Variants in EPHA3 observed in about 807,000 individuals in gnomAD.
EPHA3 encodes the protein EPH receptor A3.
A neutral mutation model predicts 107.1 loss-of-function variants in EPHA3; 42 were observed. That is an observed-to-expected ratio of 0.39 (90% CI 0.31 to 0.51). The LOEUF is 0.51. Ranked by LOEUF, EPHA3 falls within the 20% of genes least tolerant of loss-of-function variation. The pLI is 0.78. For synonymous variants in EPHA3, 461 were observed against 424.8 expected, an observed-to-expected ratio of 1.09 and a Z score of -1.05; for missense variants, 1,183 against 1,211.2, an observed-to-expected ratio of 0.98 and a Z score of 0.35.
At chr3:89,227,142 A>G (rs1396671623) in intron 3 of EPHA3, among the ~76,000 whole-genome samples, 1 of 152,072 alleles carries the variant, frequency 6.6e-6, no homozygotes, top group Non-Finnish European at 1.5e-5. Context: ...CCTGAATGGC[A>G]TGTGTATTCA....
intron 2 of EPHA3, among the ~76,000 whole-genome samples, chr3:89,170,685 A>G (rs940439808): frequency 4.6e-5 from 7 of 152,202 alleles, no homozygotes; most frequent in Admixed American, 4.6e-4. Context: ...AACCCTAAGT[A>G]TCAGTTATAA....
intron 10 of EPHA3, among the ~76,000 whole-genome samples, chr3:89,415,151 C>A (rs1233277425): frequency 1.3e-5 from 2 of 151,244 alleles, no homozygotes; most frequent in Non-Finnish European, 3.0e-5. Flanking sequence ...AATTATTATT[C>A]CTAAAAGCTA....
intron 2 of EPHA3, among the ~76,000 whole-genome samples, chr3:89,166,294 C>G (rs563167368): frequency 6.6e-6 from 1 of 152,116 alleles, no homozygotes; most frequent in Non-Finnish European, 1.5e-5. Context: ...AAATTGTACA[C>G]TAAATTATGA....
At chr3:89,161,963 G>T (rs904917946) in intron 2 of EPHA3, among the ~76,000 whole-genome samples, 1 of 151,214 alleles carries the variant, frequency 6.6e-6, no homozygotes, top group Non-Finnish European at 1.5e-5. Flanking sequence ...GGTGATGGGA[G>T]TGAGACTCTG....
At chr3:89,405,642 C>A (rs188282651) in intron 7 of EPHA3, among the ~76,000 whole-genome samples, 4 of 152,250 alleles carry the variant, frequency 2.6e-5, no homozygotes, top group Admixed American at 2.6e-4. Context: ...TAGAGAAAAT[C>A]TTCCAAACTT....
chr3:89,360,982 C>G (rs1232012256), intron 5 of EPHA3, among the ~76,000 whole-genome samples: 1 of 151,024 alleles, frequency 6.6e-6, no homozygotes, highest in Non-Finnish European at 1.5e-5. Context: ...GCAGGAATTG[C>G]TAGTGAACAT....
chr3:89,382,840 G>A (rs1576348431), intron 5 of EPHA3, among the ~76,000 whole-genome samples: 2 of 152,128 alleles, frequency 1.3e-5, no homozygotes, highest in African/African-American at 4.8e-5. Flanking sequence ...GCACATGAAG[G>A]CATGTTCCTG....
chr3:89,208,702 T>C (rs139875911), intron 2 of EPHA3, among the ~76,000 whole-genome samples: 1,996 of 151,396 alleles, frequency 0.013, 14 homozygotes, highest in Non-Finnish European at 0.018. Flanking sequence ...AATAAAAGAG[T>C]TTACATTGAC....
At chr3:89,281,054 C>T (rs1705936015) in intron 3 of EPHA3, among the ~76,000 whole-genome samples, 1 of 139,978 alleles carries the variant, frequency 7.1e-6, no homozygotes, top group South Asian at 2.2e-4. Context: ...GACAGAGTCT[C>T]ACTCTGTCAC....
chr3:89,185,850 A>G (rs1705551344), intron 2 of EPHA3, among the ~76,000 whole-genome samples: 1 of 152,106 alleles, frequency 6.6e-6, no homozygotes, highest in Non-Finnish European at 1.5e-5. Context: ...AGAGGGATAA[A>G]TGGTTCAGTA....
intron 5 of EPHA3, among the ~76,000 whole-genome samples, chr3:89,388,106 A>G (rs1032126589): frequency 2.6e-5 from 4 of 152,198 alleles, no homozygotes; most frequent in Non-Finnish European, 5.9e-5. Flanking sequence ...TGAATAACAT[A>G]AGTTTATAGA....
chr3:89,110,108 G>A (rs1370309684), intron 1 of EPHA3, among the ~76,000 whole-genome samples: 1 of 151,772 alleles, frequency 6.6e-6, no homozygotes, highest in African/African-American at 2.4e-5. Context: ...GAGGAGTGGT[G>A]ATTTAAAAAT....
chr3:89,385,633 A>C (rs115039187), intron 5 of EPHA3, among the ~76,000 whole-genome samples: 2,434 of 152,262 alleles, frequency 0.016, 67 homozygotes, highest in African/African-American at 0.055. Context: ...AGTGTGAGAG[A>C]AGACTAATAT....
intron 13 of EPHA3, among the ~76,000 whole-genome samples, chr3:89,432,545 C>T (rs1218025907): frequency 6.6e-6 from 1 of 152,114 alleles, no homozygotes; most frequent in Non-Finnish European, 1.5e-5. Context: ...GCTGGGATTA[C>T]AGGCATGGAC....
intron 12 of EPHA3, 120 bp from the exon 13 acceptor site, chr3:89,431,030 G>T: frequency 4.1e-6 from 4 of 970,272 alleles, no homozygotes; most frequent in East Asian, 2.6e-5. Flanking sequence ...TGAGTGCTTA[G>T]GACTAAAGTG....
chr3:89,393,138 G>A (rs965631219), intron 5 of EPHA3, among the ~76,000 whole-genome samples: 3 of 152,138 alleles, frequency 2.0e-5, no homozygotes, highest in Non-Finnish European at 4.4e-5. Context: ...TATTAAAAGA[G>A]CAGAACAAAT....
intron 7 of EPHA3, among the ~76,000 whole-genome samples, chr3:89,400,539 T>G (rs1240708730): frequency 4.6e-5 from 7 of 152,102 alleles, no homozygotes; most frequent in African/African-American, 1.7e-4. Flanking sequence ...CCCGGCTGTT[T>G]AACTCATTAA....
At chr3:89,253,600 G>A (rs1345181381) in intron 3 of EPHA3, among the ~76,000 whole-genome samples, 2 of 152,064 alleles carry the variant, frequency 1.3e-5, no homozygotes, top group Admixed American at 1.3e-4. Flanking sequence ...TTGCAAAAAT[G>A]TAAACTTTAA....
intron 5 of EPHA3, among the ~76,000 whole-genome samples, chr3:89,391,307 G>T (rs1247532992): frequency 6.6e-6 from 1 of 152,086 alleles, no homozygotes; most frequent in Non-Finnish European, 1.5e-5. Context: ...GCTTCATGGA[G>T]AATGGTCAGC....
Sources: gnomAD v4.1 joint callset for allele counts (sites outside exome capture counted in the v4.1 genomes callset) on GRCh38, gnomAD v4.1.1 for gene constraint, MANE v1.5 for transcripts, NCBI Gene and HGNC (gene_info 2026-07-23, HGNC 2026-07-21) for gene names.